PCNX1: variants seen among roughly 807,000 people sequenced by gnomAD.
PCNX1 encodes the protein pecanex 1.
In PCNX1, 78 loss-of-function variants were observed where a neutral mutation model predicts 242.2. The observed-to-expected ratio is 0.32, with a 90% CI of 0.27 to 0.39. PCNX1 has a LOEUF of 0.39. Among genes scored for constraint, PCNX1 ranks in the 10% least tolerant of loss-of-function variants. The pLI is 1.00. For missense variants in PCNX1, 2,581 were observed against 2,856.5 expected (o/e 0.90, Z 2.20); for synonymous variants, 1,024 against 1,032.9 (o/e 0.99, Z 0.17).
intron 30 of PCNX1, among the ~76,000 whole-genome samples, chr14:71,090,352 C>CT (rs2062097255): frequency 6.6e-6 from 1 of 152,164 alleles, no homozygotes. Context: ...TGATAAGACT[C>CT]ATTAAAGTGT....
chr14:70,919,709 T>TTCC (rs2056296253), intron 1 of PCNX1, among the ~76,000 whole-genome samples: 10 of 8,088 alleles, frequency 1.2e-3, no homozygotes, highest in African/African-American at 3.8e-3. Flanking sequence ...GTTTCTCTGC[T>TTCC]CCCCCCCCCC....
At chr14:71,055,598 A>G (rs895112512) in intron 25 of PCNX1, 36 bp downstream of exon 25, 1 of 1,337,596 alleles carries the variant, frequency 7.5e-7, no homozygotes, top group Admixed American at 1.7e-5. Context: ...AGGCAAGACT[A>G]AGGATTTGTT....
intron 22 of PCNX1, 121 bp from the exon 23 acceptor site, chr14:71,050,531 C>A: frequency 1.3e-6 from 1 of 794,994 alleles, no homozygotes; most frequent in Non-Finnish European, 1.9e-6. Flanking sequence ...CAAATAATTT[C>A]AATGCCATTT....
chr14:71,028,828 C>T (rs2060305583), intron 16 of PCNX1, 37 bp downstream of exon 16: 7 of 1,178,230 alleles, frequency 5.9e-6, no homozygotes, highest in East Asian at 2.4e-5. Context: ...GTCTTTAAGG[C>T]TATATTTCTA....
intron 30 of PCNX1, among the ~76,000 whole-genome samples, chr14:71,100,395 C>CT (rs2062432042): frequency 6.6e-6 from 1 of 152,128 alleles, no homozygotes; most frequent in Non-Finnish European, 1.5e-5. Context: ...GTTGGAATTT[C>CT]TTTAAGAATG....
rs202149019 is a variant in PCNX1 at position 70,965,953 on chromosome 14, GT to G, written c.469-2239del. Among the ~76,000 whole-genome samples, 1,320 of 152,208 alleles carry G rather than the reference GT, an allele frequency of 8.7e-3. 26 individuals carry two copies. The highest frequency in any genetic ancestry group is 0.03 in the African/African-American group (1,245 of 41,542). ...TCACCCTCAAGTGTAAAAAGATACT[GT>G]TTTTTCTTAATCTTTACATTTTCAT... On this transcript the variant is annotated intron_variant, in intron 3 of 35. Transcript: ENST00000304743.
rs1046870052 is a variant in PCNX1 at position 70,971,115 on chromosome 14, G to GTTTTTTTTTTTTT, written c.604+2033_604+2045dup. Among the ~76,000 whole-genome samples, 7 of 14,518 alleles carry GTTTTTTTTTTTTT rather than the reference G, an allele frequency of 4.8e-4. 2 individuals are homozygous for GTTTTTTTTTTTTT. The highest frequency in any genetic ancestry group is 6.1e-4 in the Non-Finnish European group (5 of 8,256). The allele number at this position is 14,518 out of a possible 152,430, so 9.5% of individuals were successfully genotyped here. On this transcript the variant is annotated intron_variant, in intron 5 of 35. Coordinates refer to ENST00000304743, the MANE Select transcript of PCNX1 (RefSeq NM_014982.3). ...AATCTATGCTATACTACTTTATATA[G>GTTTTTTTTTTTTT]TTTTTTTTTTTTTTTTTTTTTTTTT... is the stretch of plus-strand genomic sequence containing the variant.
At chr14:71,017,308 A>G (rs2059985455) in intron 11 of PCNX1, among the ~76,000 whole-genome samples, 1 of 152,192 alleles carries the variant, frequency 6.6e-6, no homozygotes, top group African/African-American at 2.4e-5. Context: ...AAATGGAGAA[A>G]GGATAGCCTT....
intron 2 of PCNX1, among the ~76,000 whole-genome samples, chr14:70,958,560 G>A (rs936021217): frequency 6.6e-6 from 1 of 152,008 alleles, no homozygotes; most frequent in African/African-American, 2.4e-5. Context: ...TCTTCTTCTC[G>A]CCAGTCTCTG....
chr14:70,961,204 C>A (rs1448001703), intron 2 of PCNX1, among the ~76,000 whole-genome samples: 4 of 152,102 alleles, frequency 2.6e-5, no homozygotes, highest in African/African-American at 9.7e-5. Flanking sequence ...GCCCACATCG[C>A]CAAGTCAATC....
Position 71,111,545 on chromosome 14 carries a change from T to C in PCNX1, c.*1610T>C, listed in dbSNP as rs1308159533. On this transcript the variant is annotated 3_prime_UTR_variant, in exon 36 of 36. Coordinates refer to ENST00000304743, the MANE Select transcript of PCNX1 (RefSeq NM_014982.3). ...TGGCTACTGTATTAGACAGTACAGA[T>C]TTAAAGTATCTTTTGTTGAGGTGAC... 1 of 152,202 alleles carries C rather than the reference T, an allele frequency of 6.6e-6. No homozygotes were observed. The highest frequency in any genetic ancestry group is 1.5e-5 in the Non-Finnish European group (1 of 67,992). The allele number at this position is 152,202 out of a possible 1,614,324, so 9.4% of individuals were successfully genotyped here.
intron 28 of PCNX1, chr14:71,085,939 C>T (rs557297924): frequency 8.4e-4 from 133 of 158,916 alleles, no homozygotes; most frequent in Non-Finnish European, 1.2e-3. Context: ...TTTGCAGGAA[C>T]TCCAATTATA....
intron 8 of PCNX1, among the ~76,000 whole-genome samples, chr14:71,003,249 A>AT (rs1566684571): frequency 6.6e-6 from 1 of 151,258 alleles, no homozygotes; most frequent in African/African-American, 2.4e-5. Flanking sequence ...GTGCCCAGCT[A>AT]TTTTTTTATT....
chr14:71,055,481 T>C, intron 24 of PCNX1, 23 bp from the exon 25 acceptor site: 1 of 1,481,668 alleles, frequency 6.7e-7, no homozygotes, highest in Non-Finnish European at 9.4e-7. Context: ...AGAAAGTTAC[T>C]AAAAATGTTT....
chr14:71,039,435 G>A (rs1341718271), intron 19 of PCNX1, among the ~76,000 whole-genome samples: 1 of 152,092 alleles, frequency 6.6e-6, no homozygotes, highest in Non-Finnish European at 1.5e-5. Context: ...CTCACCATAG[G>A]CTGCCTAACT....
intron 1 of PCNX1, among the ~76,000 whole-genome samples, chr14:70,930,237 T>C (rs926697232): frequency 3.3e-5 from 5 of 152,052 alleles, no homozygotes; most frequent in Admixed American, 3.3e-4. Context: ...CCTTGAACTT[T>C]TGGGCTCAAG....
intron 1 of PCNX1, among the ~76,000 whole-genome samples, chr14:70,920,326 A>G (rs544252769): frequency 2.6e-5 from 4 of 152,312 alleles, no homozygotes; most frequent in African/African-American, 9.6e-5. Context: ...TTCTGTTTCA[A>G]GATCCTTCAG....
chr14:70,926,156 T>C (rs1012702566), intron 1 of PCNX1, among the ~76,000 whole-genome samples: 1 of 152,240 alleles, frequency 6.6e-6, no homozygotes, highest in Non-Finnish European at 1.5e-5. Flanking sequence ...GTTATGGTTC[T>C]TGCATATACT....
intron 1 of PCNX1, among the ~76,000 whole-genome samples, chr14:70,910,057 C>T (rs1594862155): frequency 1.0e-5 from 1 of 99,458 alleles, no homozygotes; most frequent in East Asian, 3.1e-4. Context: ...CCTCCTCCTC[C>T]TCCTCCCCCT....
Sources: gnomAD v4.1 joint callset for allele counts (sites outside exome capture counted in the v4.1 genomes callset) on GRCh38, gnomAD v4.1.1 for gene constraint, MANE v1.5 for transcripts, NCBI Gene and HGNC (gene_info 2026-07-23, HGNC 2026-07-21) for gene names.